GDPD3: variants seen among roughly 807,000 people sequenced by gnomAD.
The protein encoded by GDPD3 is glycerophosphodiester phosphodiesterase domain containing 3.
A neutral mutation model predicts 43.7 loss-of-function variants in GDPD3; 40 were observed. The ratio of observed to expected loss-of-function variants is 0.91; its 90% CI spans 0.71 to 1.19. The LOEUF is 1.19. GDPD3 is among the 50% of genes most tolerant of loss of function. The probability of loss-of-function intolerance (pLI) is 0.00; values close to 1 mark genes in which losing one functional copy is unlikely to be tolerated. For missense variants in GDPD3, 363 were observed against 415.8 expected (o/e 0.87, Z 1.11); for synonymous variants, 145 against 162.9 (o/e 0.89, Z 0.84).
Position 30,113,298 on chromosome 16 carries a change from G to C in GDPD3, c.139+42C>G. 6.4e-7 allele frequency: 1 copy of C among 1,561,668 alleles called. No individual in the cohort carries two copies. Among genetic ancestry groups the C allele is most frequent in the Non-Finnish European group, 8.7e-7 (1 of 1,151,724 alleles). On this transcript the variant is annotated intron_variant, in intron 1 of 9. Transcript: ENST00000406256. This position sits in a 1 kb window ranked among gnomAD's most constrained non-coding sequence, Gnocchi z 5.9. ...TGCCCCCTTGGACCTACCCCTCTGT[G>C]CTGTCCACTTTGGCACCTGTTCTCA...
intron 9 of GDPD3, 170 bp downstream of exon 9, chr16:30,108,043 G>T: frequency 1.9e-6 from 1 of 538,922 alleles, no homozygotes; most frequent in Middle Eastern, 5.1e-4. Flanking sequence ...GTGTGTTCGT[G>T]TGTGTGTGTG....
Position 30,112,065 on chromosome 16 carries a change from G to T in GDPD3, c.573+67C>A. The stretch of plus-strand genomic sequence containing the variant: ...TAGCTCGGGTCCCCATGCTGGGTGG[G>T]CTCCAGCTCTGGGGAGGAGGGGCCC... On this transcript the variant is annotated intron_variant, in intron 6 of 9. Coordinates refer to ENST00000406256, the MANE Select transcript of GDPD3 (RefSeq NM_024307.3). The surrounding 1 kb of genome is among the most constrained non-coding windows in gnomAD (Gnocchi z 5.4). 1 of 1,298,136 alleles carries T rather than the reference G, an allele frequency of 7.7e-7. No homozygotes were observed. Among genetic ancestry groups the T allele is most frequent in the Non-Finnish European group, 1.1e-6 (1 of 899,710 alleles). The allele number at this position is 1,298,136 out of a possible 1,614,324, so 80.4% of individuals were successfully genotyped here.
Position 30,104,848 on chromosome 16 carries a change from CAGG to C in GDPD3, c.*21_*23del. The C allele has an allele frequency of 6.2e-7, 1 of 1,609,642 alleles. No homozygotes were observed. ...AATATTTATTTTTCAGGAAGAGAAA[CAGG>C]AGACCTCGAGGCTTCTGGACTTAGG... On this transcript the variant is annotated 3_prime_UTR_variant, in exon 10 of 10. Coordinates refer to ENST00000406256, the MANE Select transcript of GDPD3 (RefSeq NM_024307.3).
chr16:30,113,160 T>A lies in GDPD3; in HGVS notation c.140-96A>T. The A allele has an allele frequency of 7.2e-7, 1 of 1,383,294 alleles. No individual in the cohort carries two copies. The highest frequency in any genetic ancestry group is 1.0e-6 in the Non-Finnish European group (1 of 995,066). 85.7% of individuals were successfully genotyped at this position (1,383,294 alleles called of 1,614,324 possible). On this transcript the variant is annotated intron_variant, in intron 1 of 9. Transcript: ENST00000406256. The surrounding 1 kb of genome is among the most constrained non-coding windows in gnomAD (Gnocchi z 5.9). Reference sequence around the variant, plus strand: ...TTCCCTCTCTGGGCTCCATCCTCCCTCTGGCCTCACCTCCCCAGCCAGCCC... The same window carrying A: ...TTCCCTCTCTGGGCTCCATCCTCCCACTGGCCTCACCTCCCCAGCCAGCCC...
chr16:30,105,304 T>A (rs992371790), intron 9 of GDPD3, among the ~76,000 whole-genome samples: 1 of 151,828 alleles, frequency 6.6e-6, no homozygotes, highest in African/African-American at 2.4e-5. Flanking sequence ...TTTGTAAAAA[T>A]TAATTAGCCC....
intron 9 of GDPD3, among the ~76,000 whole-genome samples, chr16:30,105,794 C>T (rs1002521758): frequency 5.8e-4 from 87 of 149,776 alleles, no homozygotes; most frequent in South Asian, 2.1e-4. Flanking sequence ...TGAGCCACCG[C>T]GCCCGGCCCT....
At chr16:30,106,394 T>C (rs2072861091) in intron 9 of GDPD3, among the ~76,000 whole-genome samples, 1 of 152,166 alleles carries the variant, frequency 6.6e-6, no homozygotes, top group African/African-American at 2.4e-5. Context: ...TGTTCCTCTC[T>C]GAGAGCTAGT....
chr16:30,108,241 A>C lies in GDPD3; in HGVS notation c.791T>G (p.Ile264Ser), dbSNP rs749009238. The change falls in exon 9 of 10, where the codon ATC becomes AGC. Residue 264 changes from isoleucine (I) to serine (S), a missense_variant. Ile to Ser is a moderately radical substitution (Grantham distance 142). Coordinates refer to ENST00000406256, the MANE Select transcript of GDPD3 (RefSeq NM_024307.3). ...CACCCCTCGCTCCTCCAAGTGTCGG[A>C]TCAGACTCTTCCTCATGATCAGCCT... The part of the protein sequence containing the change: ...SKWLIMRKSL[I>S]RHLEERGVQV... 6.2e-7 allele frequency: 1 copy of C among 1,609,872 alleles called. No individual in the cohort carries two copies. The highest frequency in any genetic ancestry group is 1.7e-5 in the Admixed American group (1 of 59,796).
intron 7 of GDPD3, chr16:30,111,175 T>G (rs2151041330): frequency 3.7e-6 from 2 of 539,564 alleles, no homozygotes; most frequent in East Asian, 6.5e-5. Flanking sequence ...ATGGATAAAT[T>G]ACCTCTCTAT....
chr16:30,105,677 C>G (rs1051192655), intron 9 of GDPD3, among the ~76,000 whole-genome samples: 4 of 149,834 alleles, frequency 2.7e-5, no homozygotes, highest in Non-Finnish European at 6.0e-5. Flanking sequence ...GCTAATTTTT[C>G]TGTTTTTAGT....
chr16:30,111,200 T>A (rs954792172), intron 7 of GDPD3, 188 bp downstream of exon 7: 5 of 641,804 alleles, frequency 7.8e-6, no homozygotes, highest in Non-Finnish European at 1.4e-5. Context: ...AAACTCCACA[T>A]ATGCACAGAA....
intron 7 of GDPD3, among the ~76,000 whole-genome samples, chr16:30,109,084 C>T (rs1357748609): frequency 2.9e-4 from 44 of 152,088 alleles, no homozygotes; most frequent in Non-Finnish European, 1.5e-5. Context: ...CCCGCCTTGG[C>T]CTCCCAAAGT....
Position 30,112,114 on chromosome 16 carries a change from A to G in GDPD3, c.573+18T>C. On this transcript the variant is annotated intron_variant, in intron 6 of 9. Coordinates refer to ENST00000406256, the MANE Select transcript of GDPD3 (RefSeq NM_024307.3). The surrounding 1 kb of genome is among the most constrained non-coding windows in gnomAD (Gnocchi z 5.4). The stretch of plus-strand genomic sequence containing the variant: ...CCCTGGAGGAGGAAGAGGACGGGGG[A>G]GGGGTGGGGGGACTCACGGCAGCCT... The G allele has an allele frequency of 6.5e-7, 1 of 1,531,010 alleles. No individual in the cohort carries two copies. The highest frequency in any genetic ancestry group is 8.9e-7 in the Non-Finnish European group (1 of 1,120,390). The allele number at this position is 1,531,010 out of a possible 1,614,324, so 94.8% of individuals were successfully genotyped here.
In GDPD3 at chr16:30,112,446, G is replaced by A; in HGVS notation, c.365-22C>T. On this transcript the variant is annotated intron_variant, in intron 4 of 9. Coordinates refer to ENST00000406256, the MANE Select transcript of GDPD3 (RefSeq NM_024307.3). This position sits in a 1 kb window ranked among gnomAD's most constrained non-coding sequence, Gnocchi z 5.4. ...TGGCCTGGGGGTGGTGTGGGAAAAG[G>A]GGTCAGAGGGAAGCCAAGGCGGAGG... 6.2e-7 allele frequency: 1 copy of A among 1,614,000 alleles called. No homozygotes were observed. The highest frequency in any genetic ancestry group is 8.5e-7 in the Non-Finnish European group (1 of 1,179,828).
At position 30,108,461 on chromosome 16, in the gene GDPD3, T is replaced by C. The variant is rs780907898; in HGVS notation, c.708-29A>G. The C allele has an allele frequency of 5.0e-5, 81 of 1,607,346 alleles. 3 individuals carry two copies. The South Asian group carries it at 8.4e-4, about 17-fold the overall frequency. On this transcript the variant is annotated intron_variant, in intron 7 of 9. Coordinates refer to ENST00000406256, the MANE Select transcript of GDPD3 (RefSeq NM_024307.3). ...CAGAGAGAAGGAAGTGGGGGTTAGCTCCTAGGGTCTCCCCTGTCCCAGAGG... is the reference window on the plus strand; with the variant it reads ...CAGAGAGAAGGAAGTGGGGGTTAGCCCCTAGGGTCTCCCCTGTCCCAGAGG...
rs376570795 is a variant in GDPD3 at position 30,111,489 on chromosome 16, G to A, written c.606C>T (p.Ser202=). 1.2e-6 allele frequency: 2 copies of A among 1,614,008 alleles called. No homozygotes were observed. Among genetic ancestry groups the A allele is most frequent in the Non-Finnish European group, 1.7e-6 (2 of 1,179,974 alleles). ...AGGAAAGCAGCACCCAGAATCCTCG[G>A]CTTATTGTGAAGGACAGGGGCATCT... ...NPEMPLSFTI[S]RGFWVLLSYY... The change falls in exon 7 of 10, where the codon AGC becomes AGT. Residue 202 remains serine, a synonymous_variant. Transcript: ENST00000406256.
In GDPD3 at chr16:30,112,591, C is replaced by T; in HGVS notation, c.319-23G>A. 1.2e-6 allele frequency: 2 copies of T among 1,614,018 alleles called. No homozygotes were observed. The highest frequency in any genetic ancestry group is 1.7e-6 in the Non-Finnish European group (2 of 1,179,990). On this transcript the variant is annotated intron_variant, in intron 3 of 9. Coordinates refer to ENST00000406256, the MANE Select transcript of GDPD3 (RefSeq NM_024307.3). The surrounding 1 kb of genome is among the most constrained non-coding windows in gnomAD (Gnocchi z 5.4). The stretch of plus-strand genomic sequence containing the variant: ...GTCCTGGGGAGGACAGGAAGGATGT[C>T]ACTAGAGGCCCGCATTGGGCATGGT...
intron 7 of GDPD3, among the ~76,000 whole-genome samples, chr16:30,109,493 A>G (rs1341099052): frequency 1.4e-5 from 2 of 147,838 alleles, no homozygotes; most frequent in Non-Finnish European, 3.0e-5. Context: ...TGGGCCACAG[A>G]GTGAGACTCC....
At chr16:30,109,015 A>G (rs182791557) in intron 7 of GDPD3, among the ~76,000 whole-genome samples, 1 of 152,076 alleles carries the variant, frequency 6.6e-6, no homozygotes, top group African/African-American at 2.4e-5. Context: ...TATTTTTAGT[A>G]GAGACAGGGT....
Sources: gnomAD v4.1 joint callset for allele counts (sites outside exome capture counted in the v4.1 genomes callset) on GRCh38, gnomAD v4.1.1 for gene constraint, Gnocchi (gnomAD v3.1) non-coding constraint, MANE v1.5 for transcripts, NCBI Gene and HGNC (gene_info 2026-07-23, HGNC 2026-07-21) for gene names.